Variants in CHMP7 observed in about 807,000 individuals in gnomAD.
CHMP7 encodes the protein CHMP family, member 7.
In CHMP7, 15 loss-of-function variants were observed where a neutral mutation model predicts 53.7. The observed-to-expected ratio is 0.28, with a 90% CI of 0.19 to 0.43. The LOEUF is 0.43. CHMP7 is among the 20% of genes least tolerant of loss of function. The pLI, the probability that CHMP7 is intolerant of heterozygous loss-of-function variation, is 1.00. For missense variants in CHMP7, 527 were observed against 569.4 expected (o/e 0.93, Z 0.76); for synonymous variants, 261 against 228.0 (o/e 1.14, Z -1.30).
Position 23,258,061 on chromosome 8 carries a change from C to A in CHMP7, c.820C>A (p.Arg274=). The A allele has an allele frequency of 6.2e-7, 1 of 1,613,346 alleles. No individual in the cohort carries two copies. Among genetic ancestry groups the A allele is most frequent in the Non-Finnish European group, 8.5e-7 (1 of 1,179,426 alleles). Residue 274 remains arginine, a synonymous_variant, in exon 6 of 11, where the codon CGA becomes AGA. Transcript: ENST00000397677. ...TAAAGAAGAAGCCCGCCGGGCATGC[C>A]GAGCAGGAAAGAAGCAGCTGGTGAG... The part of the protein sequence containing the change: ...RCKEEARRAC[R]AGKKQLALRS...
At chr8:23,245,977 T>G (rs1801669244) in intron 1 of CHMP7, 1 of 152,252 alleles carries the variant, frequency 6.6e-6, no homozygotes, top group Non-Finnish European at 1.5e-5. Flanking sequence ...ATTTCATTTC[T>G]GATATTGAGT....
rs1415714240 is a variant in CHMP7 at position 23,261,957 on chromosome 8, TC to T, written c.*1359del. On this transcript the variant is annotated 3_prime_UTR_variant, in exon 11 of 11. Transcript: ENST00000397677. ...TGAAGAGAAACAATCACTATTTTTT[TC>T]TTTTTTATCTGGTAAATAATTAAAA... is the stretch of plus-strand genomic sequence containing the variant. The T allele has an allele frequency of 1.3e-5, 2 of 152,642 alleles. No homozygotes were observed. Among genetic ancestry groups the T allele is most frequent in the East Asian group, 3.9e-4 (2 of 5,188 alleles). The allele number at this position is 152,642 out of a possible 1,614,324, so 9.5% of individuals were successfully genotyped here.
rs1308636124 is a variant in CHMP7 at position 23,260,985 on chromosome 8, C to CA, written c.*386_*387insA. On this transcript the variant is annotated 3_prime_UTR_variant, in exon 11 of 11. Coordinates refer to ENST00000397677, the MANE Select transcript of CHMP7 (RefSeq NM_152272.5). The stretch of plus-strand genomic sequence containing the variant: ...CAAATCTGAATCAGTTCCCACTCCC[C>CA]CCTGCGGTTTTTTAGAGGGGTTTAT... 5.4e-5 allele frequency: 14 copies of CA among 258,468 alleles called. No individual in the cohort carries two copies. The East Asian group carries it at 5.9e-4, about 11-fold the overall frequency. 16.0% of individuals were successfully genotyped at this position (258,468 alleles called of 1,614,324 possible).
rs1802391765 is a variant in CHMP7 at position 23,261,571 on chromosome 8, TGCAATAGAA to T, written c.*976_*984del. On this transcript the variant is annotated 3_prime_UTR_variant, in exon 11 of 11. Coordinates refer to ENST00000397677, the MANE Select transcript of CHMP7 (RefSeq NM_152272.5). ...GGGGCAGGGGGGCTGAGCCAGGATGTGCAATAGAAGCAGGGGTTGTCCCCTCTGCCAGAT... is the reference window on the plus strand; with the variant it reads ...GGGGCAGGGGGGCTGAGCCAGGATGTGCAGGGGTTGTCCCCTCTGCCAGAT... 1 of 152,778 alleles carries T rather than the reference TGCAATAGAA, an allele frequency of 6.5e-6. No homozygotes were observed. The highest frequency in any genetic ancestry group is 6.5e-5 in the Admixed American group (1 of 15,276). The allele number at this position is 152,778 out of a possible 1,614,324, so 9.5% of individuals were successfully genotyped here.
At chr8:23,250,065 G>A (rs12544038) in intron 3 of CHMP7, among the ~76,000 whole-genome samples, 72,777 of 152,064 alleles carry the variant, frequency 0.48, 20,289 homozygotes, top group Middle Eastern at 0.63. Context: ...GGAGAAAATC[G>A]CCTGTCATCA....
In CHMP7 at chr8:23,259,208, G is replaced by A. The variant is rs577548123; in HGVS notation, c.1120+82G>A. The A allele has an allele frequency of 1.3e-3, 915 of 679,206 alleles. 3 individuals carry two copies. Among genetic ancestry groups the A allele is most frequent in the Admixed American group, 2.0e-3 (58 of 29,212 alleles). The allele number at this position is 679,206 out of a possible 1,614,324, so 42.1% of individuals were successfully genotyped here. On this transcript the variant is annotated intron_variant, in intron 9 of 10. Coordinates refer to ENST00000397677, the MANE Select transcript of CHMP7 (RefSeq NM_152272.5). ...TTTTGAGACGGAGTCTCGCTCTGTCGCCCAGGCTGGAGTGCAGTGGCGGGA... is the reference window on the plus strand; with the variant it reads ...TTTTGAGACGGAGTCTCGCTCTGTCACCCAGGCTGGAGTGCAGTGGCGGGA...
intron 2 of CHMP7, chr8:23,248,154 G>A (rs775411800): frequency 5.5e-5 from 25 of 456,066 alleles, no homozygotes; most frequent in Non-Finnish European, 1.1e-4. Flanking sequence ...AACCGTTTTC[G>A]TTCATGCCTG....
intron 9 of CHMP7, 80 bp downstream of exon 9, chr8:23,259,206 T>C: frequency 1.4e-6 from 1 of 729,392 alleles, no homozygotes; most frequent in Non-Finnish European, 2.1e-6. Flanking sequence ...TCTCGCTCTG[T>C]CGCCCAGGCT....
intron 7 of CHMP7, 43 bp from the exon 8 acceptor site, chr8:23,258,689 C>G (rs1268875725): frequency 6.9e-7 from 1 of 1,453,602 alleles, no homozygotes; most frequent in African/African-American, 1.4e-5. Context: ...TGTATTTTGC[C>G]AAATGTCTGT....
rs560431015 is a variant in CHMP7 at position 23,247,397 on chromosome 8, G to T, written c.299+403G>T. Among the ~76,000 whole-genome samples the T allele has an allele frequency of 3.4e-4, 52 of 152,328 alleles. 1 individual carries two copies. The highest frequency in any genetic ancestry group is 1.3e-4 in the Admixed American group (2 of 15,308). On this transcript the variant is annotated intron_variant, in intron 2 of 10. Coordinates refer to ENST00000397677, the MANE Select transcript of CHMP7 (RefSeq NM_152272.5). Reference sequence around the variant, plus strand: ...ACCTAGGGAAGGTTAGAGCTAAAAAGCGGGCATTCGTGGGGAAGAGGCCTG... The same window carrying T: ...ACCTAGGGAAGGTTAGAGCTAAAAATCGGGCATTCGTGGGGAAGAGGCCTG...
chr8:23,247,414 A>G (rs906849575), intron 2 of CHMP7, among the ~76,000 whole-genome samples: 3 of 152,214 alleles, frequency 2.0e-5, no homozygotes, highest in Non-Finnish European at 4.4e-5. Context: ...TTCGTGGGGA[A>G]GAGGCCTGTA....
chr8:23,250,417 C>T (rs1270511122), intron 3 of CHMP7, among the ~76,000 whole-genome samples: 3 of 152,144 alleles, frequency 2.0e-5, no homozygotes, highest in African/African-American at 7.2e-5. Flanking sequence ...TCACTCTCAG[C>T]CTGTAAACCC....
intron 8 of CHMP7, 54 bp downstream of exon 8, chr8:23,258,884 A>G (rs557929592): frequency 7.9e-7 from 1 of 1,262,920 alleles, no homozygotes; most frequent in Non-Finnish European, 1.2e-6. Context: ...CAGAGGACAG[A>G]TTTGACTTCA....
intron 3 of CHMP7, 58 bp downstream of exon 3, chr8:23,249,439 C>T (rs941317119): frequency 3.3e-5 from 46 of 1,386,364 alleles, no homozygotes; most frequent in East Asian, 7.3e-5. Context: ...GCATCCTCCA[C>T]GTCCCTTGTG....
At chr8:23,250,387 C>T (rs1801873122) in intron 3 of CHMP7, among the ~76,000 whole-genome samples, 1 of 152,166 alleles carries the variant, frequency 6.6e-6, no homozygotes, top group Non-Finnish European at 1.5e-5. Context: ...CGGCTGGCCT[C>T]TTGCCTGGTA....
At position 23,260,048 on chromosome 8, in the gene CHMP7, T is replaced by C. The variant is rs377542558; in HGVS notation, c.1121-96T>C. The stretch of plus-strand genomic sequence containing the variant: ...ATCTGCAAGGAGGCCTGGCATCTTT[T>C]GTAAAGCTAAGCGGGTTTTGGTAAC... On this transcript the variant is annotated intron_variant, in intron 9 of 10. Transcript: ENST00000397677. 7 of 981,946 alleles carry C rather than the reference T, an allele frequency of 7.1e-6. No homozygotes were observed. In the African/African-American group the frequency reaches 9.7e-5, roughly 14 times the overall value. The allele number at this position is 981,946 out of a possible 1,614,324, so 60.8% of individuals were successfully genotyped here.
chr8:23,252,195 C>CTTTTGTTTTTTTTTTTTTTTTTTT (rs1801957736), intron 3 of CHMP7, among the ~76,000 whole-genome samples: 1 of 105,298 alleles, frequency 9.5e-6, no homozygotes, highest in African/African-American at 2.9e-5. Context: ...ATTGTGTTAT[C>CTTTTGTTTTTTTTTTTTTTTTTTT]TTTTTTTTTT....
At chr8:23,258,237 A>G in intron 6 of CHMP7, 93 bp from the exon 7 acceptor site, 3 of 1,562,690 alleles carry the variant, frequency 1.9e-6, no homozygotes, top group South Asian at 1.1e-5. Flanking sequence ...GAGGGAAGAA[A>G]GCTGGGACAT....
At chr8:23,248,670 C>T (rs952336728) in intron 2 of CHMP7, among the ~76,000 whole-genome samples, 2 of 152,138 alleles carry the variant, frequency 1.3e-5, no homozygotes, top group Non-Finnish European at 2.9e-5. Context: ...GACTGGCCCG[C>T]GGCAAGCATT....
Sources: allele counts gnomAD v4.1 joint callset (sites outside exome capture counted in the v4.1 genomes callset), GRCh38; gene constraint gnomAD v4.1.1; transcripts MANE v1.5; gene names NCBI Gene and HGNC (gene_info 2026-07-23, HGNC 2026-07-21).